The following DCAF6 variants were observed in gnomAD, a reference collection of about 807,000 sequenced individuals.
DCAF6 encodes DDB1 and CUL4 associated factor 6, also known as DDB1- and CUL4-associated factor 6.
A neutral mutation model predicts 125.1 loss-of-function variants in DCAF6; 54 were observed. The ratio of observed to expected loss-of-function variants is 0.43; its 90% confidence interval spans 0.35 to 0.54. DCAF6 has a LOEUF of 0.54. Ranked by LOEUF, DCAF6 falls within the 20% of genes least tolerant of loss-of-function variation. The pLI is 0.01. For synonymous variants in DCAF6, 371 were observed against 390.4 expected (o/e 0.95, Z 0.58); for missense variants, 934 against 1,161.7 (o/e 0.80, Z 2.85).
At chr1:168,048,386 A>C (rs760832266) in intron 16 of DCAF6, among the ~76,000 whole-genome samples, 4 of 152,232 alleles carry the variant, frequency 2.6e-5, no homozygotes, top group Non-Finnish European at 4.4e-5. Flanking sequence ...GGACCTCATC[A>C]GTTTTTGTTC....
chr1:167,901,626 A>G, the DCAF6 span: 1 of 1,608,156 alleles, frequency 6.2e-7, no homozygotes, highest in East Asian at 2.2e-5. Flanking sequence ...ACCCTATCCC[A>G]GCTGCCGTAG....
chr1:167,896,581 T>G, the DCAF6 span: 3 of 1,594,408 alleles, frequency 1.9e-6, no homozygotes, highest in Non-Finnish European at 2.6e-6. Flanking sequence ...CATTTTTCCA[T>G]GGTGGGTACT....
At chr1:168,034,799 G>T (rs1004338843) in intron 12 of DCAF6, among the ~76,000 whole-genome samples, 9 of 152,114 alleles carry the variant, frequency 5.9e-5, no homozygotes, top group African/African-American at 2.2e-4. Flanking sequence ...TAACATATCT[G>T]TGCATTATGT....
intron 18 of DCAF6, among the ~76,000 whole-genome samples, chr1:168,064,354 A>G (rs1259323039): frequency 6.6e-6 from 1 of 152,140 alleles, no homozygotes; most frequent in Non-Finnish European, 1.5e-5. Flanking sequence ...TTTTGAGATG[A>G]CTAGTGTAAC....
chr1:168,007,489 T>G (rs1683489054), intron 10 of DCAF6, among the ~76,000 whole-genome samples: 1 of 152,096 alleles, frequency 6.6e-6, no homozygotes, highest in Non-Finnish European at 1.5e-5. Context: ...CCCCATCTGC[T>G]TTTCAACCCC....
At chr1:167,916,297 C>T in the DCAF6 span, among the ~76,000 whole-genome samples, 2 of 152,314 alleles carry the variant, frequency 1.3e-5, no homozygotes, top group South Asian at 4.1e-4. Context: ...ACCTCCGCCT[C>T]CTGGGTTGAA....
At chr1:168,060,523 A>G (rs1691458248) in intron 17 of DCAF6, among the ~76,000 whole-genome samples, 1 of 152,130 alleles carries the variant, frequency 6.6e-6, no homozygotes, top group African/African-American at 2.4e-5. Flanking sequence ...ATGCTTTGAT[A>G]CAGTTCTCGT....
chr1:168,045,787 A>G (rs192088035), intron 16 of DCAF6, among the ~76,000 whole-genome samples: 231 of 152,276 alleles, frequency 1.5e-3, no homozygotes, highest in Middle Eastern at 3.4e-3. Flanking sequence ...ATGTTTTTAT[A>G]GTTTTTCTAT....
chr1:168,066,911 A>G (rs1283528751), intron 20 of DCAF6, among the ~76,000 whole-genome samples: 2 of 152,196 alleles, frequency 1.3e-5, no homozygotes, highest in East Asian at 1.9e-4. Context: ...ATTAGTATAT[A>G]GCAGAACAAA....
chr1:168,005,897 A>G (rs1362713139), intron 10 of DCAF6, among the ~76,000 whole-genome samples: 3 of 152,178 alleles, frequency 2.0e-5, no homozygotes, highest in African/African-American at 7.2e-5. Flanking sequence ...CAAGGTTTTC[A>G]CACTCAGTTG....
intron 10 of DCAF6, among the ~76,000 whole-genome samples, chr1:168,007,356 CT>C (rs1683472153): frequency 6.6e-6 from 1 of 152,274 alleles, no homozygotes; most frequent in South Asian, 2.1e-4. Flanking sequence ...TCTTAATTAT[CT>C]CACATTCCCC....
At chr1:168,031,611 T>C (rs1235734818) in intron 12 of DCAF6, among the ~76,000 whole-genome samples, 1 of 152,214 alleles carries the variant, frequency 6.6e-6, no homozygotes, top group Non-Finnish European at 1.5e-5. Context: ...CTAAACTGTC[T>C]ACCTCATTTG....
intron 2 of DCAF6, among the ~76,000 whole-genome samples, chr1:167,963,403 C>T (rs1245120955): frequency 2.7e-5 from 4 of 150,634 alleles, no homozygotes; most frequent in African/African-American, 4.9e-5. Context: ...TTTTTGTTTT[C>T]CATTCTTCTG....
At chr1:167,907,326 A>C in the DCAF6 span, among the ~76,000 whole-genome samples, 1 of 152,374 alleles carries the variant, frequency 6.6e-6, no homozygotes, top group South Asian at 2.1e-4. Context: ...TAACTTTGAA[A>C]TCTCAATGGC....
chr1:167,982,214 G>C (rs578031518), intron 4 of DCAF6, among the ~76,000 whole-genome samples: 1 of 151,934 alleles, frequency 6.6e-6, no homozygotes, highest in African/African-American at 2.4e-5. Flanking sequence ...TTTTTAAGGG[G>C]GTTATTTGGT....
chr1:168,021,850 T>C (rs768052439), intron 11 of DCAF6, among the ~76,000 whole-genome samples: 1 of 152,214 alleles, frequency 6.6e-6, no homozygotes, highest in Non-Finnish European at 1.5e-5. Context: ...AAGGGCAATC[T>C]TAAAATACCT....
intron 21 of DCAF6, among the ~76,000 whole-genome samples, chr1:168,074,237 G>C (rs1013012705): frequency 7.2e-5 from 11 of 151,910 alleles, no homozygotes; most frequent in African/African-American, 2.2e-4. Context: ...GATCCAGTGG[G>C]AGCATTTAAT....
intron 11 of DCAF6, among the ~76,000 whole-genome samples, chr1:168,021,035 C>A (rs146172946): frequency 6.6e-6 from 1 of 152,058 alleles, no homozygotes; most frequent in Non-Finnish European, 1.5e-5. Context: ...TACTTTCTGT[C>A]TTAACATAGC....
intron 2 of DCAF6, among the ~76,000 whole-genome samples, chr1:167,952,345 G>A (rs922142153): frequency 3.3e-5 from 5 of 151,910 alleles, no homozygotes; most frequent in Admixed American, 2.6e-4. Context: ...AGCCTCCTGG[G>A]TAGCTGGGAC....
Sources: allele counts gnomAD v4.1 joint callset (sites outside exome capture counted in the v4.1 genomes callset), GRCh38; gene constraint gnomAD v4.1.1; transcripts MANE v1.5; gene names NCBI Gene and HGNC (gene_info 2026-07-23, HGNC 2026-07-21).